POU2AF2: variants seen among roughly 807,000 people sequenced by gnomAD.
The protein encoded by POU2AF2 is POU domain class 2-associating factor 2.
chr11:111,275,660 C>A, the POU2AF2 span, among the ~76,000 whole-genome samples: 1 of 152,182 alleles, frequency 6.6e-6, no homozygotes, highest in African/African-American at 2.4e-5. Context: ...AAACAAACCA[C>A]TATGAGTGAG....
chr11:111,268,943 T>C, the POU2AF2 span, among the ~76,000 whole-genome samples: 1 of 152,158 alleles, frequency 6.6e-6, no homozygotes, highest in East Asian at 1.9e-4. Flanking sequence ...TCTCTTTGTG[T>C]TTGACTGCTA....
chr11:111,270,302 A>G, the POU2AF2 span, among the ~76,000 whole-genome samples: 1 of 152,242 alleles, frequency 6.6e-6, no homozygotes, highest in Non-Finnish European at 1.5e-5. Context: ...TTTTTGTGGC[A>G]AAATCCCTTC....
the POU2AF2 span, among the ~76,000 whole-genome samples, chr11:111,259,568 G>A: frequency 1.3e-5 from 2 of 151,974 alleles, no homozygotes; most frequent in African/African-American, 2.4e-5. Flanking sequence ...CACCCACCTC[G>A]GCCCCCCAAA....
At chr11:111,267,613 G>A in the POU2AF2 span, among the ~76,000 whole-genome samples, 1 of 152,188 alleles carries the variant, frequency 6.6e-6, no homozygotes, top group Non-Finnish European at 1.5e-5. Context: ...ACTTTAGAAG[G>A]CAGAGACAAT....
chr11:111,262,741 G>A, the POU2AF2 span, among the ~76,000 whole-genome samples: 3 of 152,284 alleles, frequency 2.0e-5, no homozygotes, highest in East Asian at 5.8e-4. Flanking sequence ...TAAAAGCAGA[G>A]AGTTGGGCCA....
the POU2AF2 span, among the ~76,000 whole-genome samples, chr11:111,250,187 GGT>G: frequency 6.6e-6 from 1 of 151,940 alleles, no homozygotes. Context: ...GGGGTTGGGG[GGT>G]GTGTGTGTCT....
the POU2AF2 span, among the ~76,000 whole-genome samples, chr11:111,247,712 A>G: frequency 2.8e-4 from 43 of 151,700 alleles, 1 homozygote; most frequent in African/African-American, 9.9e-4. Context: ...ACTTGAACCC[A>G]GGAGGTGGAG....
chr11:111,267,498 C>A, the POU2AF2 span, among the ~76,000 whole-genome samples: 3 of 152,194 alleles, frequency 2.0e-5, no homozygotes, highest in Admixed American at 6.5e-5. Flanking sequence ...GAAGCTTACT[C>A]CCCTGGCATG....
chr11:111,255,281 T>C, the POU2AF2 span, among the ~76,000 whole-genome samples: 2 of 152,174 alleles, frequency 1.3e-5, no homozygotes, highest in Admixed American at 1.3e-4. Flanking sequence ...AGTTTCCCCA[T>C]CTGTAAAACA....
At chr11:111,249,662 T>C in the POU2AF2 span, among the ~76,000 whole-genome samples, 1 of 152,328 alleles carries the variant, frequency 6.6e-6, no homozygotes, top group African/African-American at 2.4e-5. Context: ...TTCCTCAACT[T>C]CTCTAAGGCG....
the POU2AF2 span, among the ~76,000 whole-genome samples, chr11:111,261,379 A>C: frequency 1.3e-5 from 2 of 152,216 alleles, no homozygotes; most frequent in African/African-American, 4.8e-5. Flanking sequence ...ATTTTCAAAT[A>C]ACATCATAAA....
At chr11:111,259,551 G>T in the POU2AF2 span, among the ~76,000 whole-genome samples, 1 of 151,956 alleles carries the variant, frequency 6.6e-6, no homozygotes, top group Non-Finnish European at 1.5e-5. Context: ...CCTGACCTCA[G>T]GTAATCCACC....
the POU2AF2 span, among the ~76,000 whole-genome samples, chr11:111,283,156 A>C: frequency 6.8e-6 from 1 of 146,042 alleles, no homozygotes; most frequent in Non-Finnish European, 1.5e-5. Context: ...CTCCTGCCTC[A>C]GCCTCCTGAG....
chr11:111,285,578 C>G, the POU2AF2 span: 7 of 1,497,774 alleles, frequency 4.7e-6, no homozygotes, highest in African/African-American at 7.2e-5. Context: ...CCTGAAGCCA[C>G]AGTCTGGCAG....
the POU2AF2 span, among the ~76,000 whole-genome samples, chr11:111,271,528 C>A: frequency 1.3e-5 from 2 of 152,006 alleles, no homozygotes; most frequent in African/African-American, 4.8e-5. Flanking sequence ...CTCGGGAGAT[C>A]TTCCTGCCTC....
the POU2AF2 span, chr11:111,281,397 G>A: frequency 1.9e-6 from 3 of 1,610,726 alleles, no homozygotes; most frequent in African/African-American, 1.3e-5. Context: ...TTACCTTCCA[G>A]GGCAGCGTCA....
chr11:111,262,963 GT>G, the POU2AF2 span, among the ~76,000 whole-genome samples: 3 of 152,188 alleles, frequency 2.0e-5, no homozygotes, highest in East Asian at 3.9e-4. Flanking sequence ...CAAGTGGTCT[GT>G]TTTTTTCATT....
At chr11:111,277,655 T>G in the POU2AF2 span, among the ~76,000 whole-genome samples, 1 of 152,196 alleles carries the variant, frequency 6.6e-6, no homozygotes, top group African/African-American at 2.4e-5. Context: ...GTGTGCTGTG[T>G]CTCACAGGGG....
At chr11:111,251,692 A>G in the POU2AF2 span, among the ~76,000 whole-genome samples, 2 of 152,196 alleles carry the variant, frequency 1.3e-5, no homozygotes, top group Non-Finnish European at 2.9e-5. Context: ...CTTCCCACAA[A>G]ACTTTCATCA....
Sources: gnomAD v4.1 joint callset for allele counts (sites outside exome capture counted in the v4.1 genomes callset) on GRCh38, gnomAD v4.1.1 for gene constraint, MANE v1.5 for transcripts, NCBI Gene and HGNC (gene_info 2026-07-23, HGNC 2026-07-21) for gene names.